FBXL5: variants seen among roughly 807,000 people sequenced by gnomAD.
FBXL5 encodes the protein F-box/LRR-repeat protein 5.
FBXL5 carries 26 observed loss-of-function variants against 78.3 expected under a neutral mutation model. That is an observed-to-expected ratio of 0.33 (90% CI 0.24 to 0.46). The LOEUF (loss-of-function observed/expected upper bound fraction) is 0.46, where lower values mean the gene tolerates loss of function less well. Ranked by LOEUF, FBXL5 falls within the 20% of genes least tolerant of loss-of-function variation. The pLI is 1.00. For synonymous variants in FBXL5, 295 were observed against 282.5 expected, an observed-to-expected ratio of 1.04 and a Z score of -0.45; for missense variants, 710 against 829.2, an observed-to-expected ratio of 0.86 and a Z score of 1.77.
chr4:15,612,164 G>T, intron 10 of FBXL5, 102 bp downstream of exon 10: 1 of 901,288 alleles, frequency 1.1e-6, no homozygotes, highest in South Asian at 2.6e-5. Context: ...AGATAGTCTG[G>T]GAATTAGAAA....
At chr4:15,612,238 A>T (rs1722321049) in intron 10 of FBXL5, 28 bp downstream of exon 10, 1 of 1,453,874 alleles carries the variant, frequency 6.9e-7, no homozygotes, top group African/African-American at 1.7e-5. Context: ...AATTCCTTCA[A>T]AATTATCGCA....
At chr4:15,626,847 T>C (rs766378198) in intron 8 of FBXL5, 26 bp downstream of exon 8, 5 of 1,498,162 alleles carry the variant, frequency 3.3e-6, no homozygotes, top group East Asian at 4.8e-5. Context: ...TTTTTCATTA[T>C]ATTTAAATTG....
chr4:15,605,872 G>GTTTA, intron 10 of FBXL5, 73 bp from the exon 11 acceptor site: 1 of 1,147,958 alleles, frequency 8.7e-7, no homozygotes, highest in Non-Finnish European at 1.3e-6. Flanking sequence ...GCTTATGAAG[G>GTTTA]AGTTAAACAT....
At chr4:15,645,861 T>G (rs1333601313) in intron 1 of FBXL5, among the ~76,000 whole-genome samples, 4 of 152,254 alleles carry the variant, frequency 2.6e-5, no homozygotes, top group African/African-American at 2.4e-5. Flanking sequence ...TTTTATAAAT[T>G]CATACATTTT....
chr4:15,626,954 A>C lies in FBXL5; in HGVS notation c.1043T>G (p.Val348Gly). 1 of 1,605,766 alleles carries C rather than the reference A, an allele frequency of 6.2e-7. No homozygotes were observed. ...AGGACAAAGCTCTAAAATCTGCCTA[A>C]CCTAAAAGGCAAGAAATTGTCACTG... The part of the protein sequence containing the change: ...AYSSAVSSKM[V>G]RQILELCPNL... The change falls in exon 8 of 11, where the codon GTT (valine) becomes GGT (glycine). Residue 348 changes from valine to glycine, a missense_variant and splice_region_variant. Around this residue, in one of 4 missense-constraint regions of FBXL5, gnomAD observed 517 missense variants for 542.9 expected, o/e 0.95. Transcript: ENST00000341285.
intron 10 of FBXL5, among the ~76,000 whole-genome samples, chr4:15,611,355 G>C (rs1401078368): frequency 6.6e-6 from 1 of 152,056 alleles, no homozygotes; most frequent in African/African-American, 2.4e-5. Context: ...TGTTCTGCCT[G>C]AGAAAAATTT....
At chr4:15,671,187 A>T (rs1717749916) in intron 1 of FBXL5, among the ~76,000 whole-genome samples, 1 of 151,776 alleles carries the variant, frequency 6.6e-6, no homozygotes, top group South Asian at 2.1e-4. Flanking sequence ...GCCTTCCAAA[A>T]TTCTGGGATT....
chr4:15,616,647 T>C (rs1227287605), intron 9 of FBXL5, among the ~76,000 whole-genome samples: 5 of 152,210 alleles, frequency 3.3e-5, no homozygotes, highest in Non-Finnish European at 7.3e-5. Context: ...CTTTCCCCAA[T>C]TCCAGTGACA....
At chr4:15,611,142 CAA>C (rs775564269) in intron 10 of FBXL5, among the ~76,000 whole-genome samples, 7 of 151,994 alleles carry the variant, frequency 4.6e-5, no homozygotes, top group Non-Finnish European at 8.8e-5. Flanking sequence ...CAACAGAAAA[CAA>C]AGAAATGTCC....
intron 9 of FBXL5, among the ~76,000 whole-genome samples, chr4:15,612,929 A>G (rs1211793145): frequency 2.0e-5 from 3 of 152,214 alleles, no homozygotes; most frequent in East Asian, 1.9e-4. Context: ...TATTCATAAC[A>G]GTTAGAAAGT....
intron 9 of FBXL5, among the ~76,000 whole-genome samples, chr4:15,617,049 G>A (rs964371898): frequency 6.6e-6 from 1 of 152,232 alleles, no homozygotes; most frequent in African/African-American, 2.4e-5. Context: ...AACCATTGTG[G>A]AGGACAGTAT....
upstream of FBXL5, among the ~76,000 whole-genome samples, chr4:15,659,314 T>C (rs111403270): frequency 6.6e-6 from 1 of 152,216 alleles, no homozygotes. Context: ...TTCAGTAATA[T>C]ACATATATGG....
exon 1 of FBXL5, chr4:15,681,472 ACT>A (rs1268887999): frequency 6.0e-6 from 1 of 167,136 alleles, no homozygotes; most frequent in Non-Finnish European, 1.4e-5. Context: ...TGGCTCTGGG[ACT>A]CTGTCCGGAC....
intron 10 of FBXL5, among the ~76,000 whole-genome samples, chr4:15,610,995 CATCA>C (rs1191170849): frequency 6.6e-6 from 1 of 152,110 alleles, no homozygotes; most frequent in African/African-American, 2.4e-5. Context: ...AGCTTCACTG[CATCA>C]ATCAAACTTT....
upstream of FBXL5, chr4:15,655,428 G>A (rs1289229806): frequency 4.0e-6 from 4 of 991,668 alleles, no homozygotes; most frequent in African/African-American, 1.8e-5. Context: ...TGGCCGGCGG[G>A]GACGCGGGGG....
At chr4:15,655,375 T>C (rs905645459), upstream of FBXL5, 2 of 1,101,050 alleles carry the variant, frequency 1.8e-6, no homozygotes, top group African/African-American at 3.4e-5. Flanking sequence ...GCGCGCCCCC[T>C]TGCGCATGCG....
At chr4:15,664,527 C>T (rs548468333), upstream of FBXL5, among the ~76,000 whole-genome samples, 96 of 150,566 alleles carry the variant, frequency 6.4e-4, no homozygotes, top group African/African-American at 2.2e-3. Flanking sequence ...TATCTTTTTC[C>T]CCCACCAAAG....
At chr4:15,623,059 C>A (rs1382164344) in intron 9 of FBXL5, among the ~76,000 whole-genome samples, 1 of 152,056 alleles carries the variant, frequency 6.6e-6, no homozygotes, top group East Asian at 1.9e-4. Context: ...AACTAAAAAC[C>A]TTTTCTCTGC....
At chr4:15,641,758 G>A in intron 2 of FBXL5, 3 of 358,230 alleles carry the variant, frequency 8.4e-6, no homozygotes, top group South Asian at 6.4e-5. Context: ...CAGGCACGGT[G>A]GCTCATGCCT....
Sources: allele counts gnomAD v4.1 joint callset (sites outside exome capture counted in the v4.1 genomes callset), GRCh38; gene constraint gnomAD v4.1.1; regional missense constraint gnomAD v4.1.1; transcripts MANE v1.5; gene names NCBI Gene and HGNC (gene_info 2026-07-23, HGNC 2026-07-21).